The following TMPO variants were observed in gnomAD, a reference collection of about 807,000 sequenced individuals.
TMPO encodes the protein LEM domain containing 4.
Under a neutral mutation model 45.4 loss-of-function variants are expected in TMPO, and 22 were observed. The ratio of observed to expected loss-of-function variants is 0.48; its 90% CI spans 0.35 to 0.69. The LOEUF (loss-of-function observed/expected upper bound fraction) is 0.69, where lower values mean the gene tolerates loss of function less well. Among genes scored for constraint, TMPO ranks in the 30% least tolerant of loss-of-function variants. The probability of loss-of-function intolerance (pLI) is 0.01; values close to 1 mark genes in which losing one functional copy is unlikely to be tolerated. For missense variants in TMPO, 512 were observed against 548.8 expected (o/e 0.93, Z 0.67); for synonymous variants, 241 against 204.1 (o/e 1.18, Z -1.54).
intron 4 of TMPO, among the ~76,000 whole-genome samples, chr12:98,541,513 A>G (rs1218140256): frequency 6.6e-6 from 1 of 152,224 alleles, no homozygotes; most frequent in Non-Finnish European, 1.5e-5. Flanking sequence ...ACTACTAACA[A>G]TAAGACTGTT....
intron 1 of TMPO, among the ~76,000 whole-genome samples, chr12:98,520,783 A>G (rs1876286639): frequency 6.6e-6 from 1 of 151,884 alleles, no homozygotes; most frequent in African/African-American, 2.4e-5. Flanking sequence ...ACTGTTAGCC[A>G]GGATGGTCTC....
chr12:98,525,672 C>G (rs1327464854), intron 1 of TMPO, among the ~76,000 whole-genome samples: 1 of 147,910 alleles, frequency 6.8e-6, no homozygotes, highest in African/African-American at 2.5e-5. Context: ...ACCTTGGATG[C>G]AGAGGTTGCA....
At chr12:98,532,687 A>C (rs531653815) in intron 3 of TMPO, 1 of 1,267,664 alleles carries the variant, frequency 7.9e-7, no homozygotes, top group African/African-American at 1.5e-5. Context: ...CTACCAGGGC[A>C]AATCTGGCAG....
chr12:98,527,732 T>C (rs1592938958), intron 1 of TMPO, 154 bp from the exon 2 acceptor site: 3 of 759,252 alleles, frequency 4.0e-6, no homozygotes, highest in African/African-American at 1.7e-5. Flanking sequence ...TGTTCTCCAA[T>C]AATGAGTTGC....
intron 1 of TMPO, among the ~76,000 whole-genome samples, chr12:98,518,322 C>T (rs1876050141): frequency 6.6e-6 from 1 of 152,000 alleles, no homozygotes; most frequent in East Asian, 1.9e-4. Context: ...GGCGGGATCT[C>T]GCTTTGTTGC....
rs1565818500 is a variant in TMPO at position 98,547,832 on chromosome 12, C to CAA, written c.1340_1341insAA (p.His447GlnfsTer25). On this transcript the variant is annotated frameshift_variant, in exon 9 of 9. Transcript: ENST00000556029. LOFTEE classifies it high-confidence loss of function. ...AGTAAATCCCTTCTCTAATTTTCTT[C>CAA]ATGTTGACCCTAGAAAATCCAACTG... The CAA allele has an allele frequency of 6.2e-7, 1 of 1,614,038 alleles. No homozygotes were observed. The highest frequency in any genetic ancestry group is 1.1e-5 in the South Asian group (1 of 91,020).
At chr12:98,545,100 T>TAAA in intron 7 of TMPO, 39 bp downstream of exon 7, 1 of 1,369,142 alleles carries the variant, frequency 7.3e-7, no homozygotes, top group Non-Finnish European at 1.0e-6. Flanking sequence ...ATCATTGATC[T>TAAA]TTCAAAGAGG....
chr12:98,525,598 G>A (rs1179577070), intron 1 of TMPO, among the ~76,000 whole-genome samples: 7 of 151,948 alleles, frequency 4.6e-5, no homozygotes, highest in South Asian at 2.1e-4. Context: ...AAAATTAGCC[G>A]GGCGTGGTGG....
In TMPO at chr12:98,548,900, C is replaced by T. The variant is rs946457598; in HGVS notation, c.*1042C>T. ...CTTTGGGAGGCCAGGGCGGGTGGAT[C>T]ACGAGGTCAAGAGATCAAGACCATC... On this transcript the variant is annotated 3_prime_UTR_variant, in exon 9 of 9. Transcript: ENST00000556029. The T allele has an allele frequency of 2.0e-5, 3 of 152,236 alleles. No individual in the cohort carries two copies. The highest frequency in any genetic ancestry group is 4.8e-5 in the African/African-American group (2 of 41,454). 9.4% of individuals were successfully genotyped at this position (152,236 alleles called of 1,614,324 possible).
rs1270721471 is a variant in TMPO at position 98,549,188 on chromosome 12, G to A, written c.*1330G>A. 3 of 152,062 alleles carry A rather than the reference G, an allele frequency of 2.0e-5. No individual in the cohort carries two copies. The highest frequency in any genetic ancestry group is 7.2e-5 in the African/African-American group (3 of 41,414). 9.4% of individuals were successfully genotyped at this position (152,062 alleles called of 1,614,324 possible). On this transcript the variant is annotated 3_prime_UTR_variant, in exon 9 of 9. Coordinates refer to ENST00000556029, the MANE Select transcript of TMPO (RefSeq NM_001032283.3). The stretch of plus-strand genomic sequence containing the variant: ...ATCATAAGCAGTAGTTAATAAAGTT[G>A]TATACTCTTAAGAGGTGGGCATTAT...
chr12:98,533,119 T>C (rs759718839), intron 3 of TMPO: 4 of 1,614,178 alleles, frequency 2.5e-6, no homozygotes, highest in Non-Finnish European at 3.4e-6. Flanking sequence ...TGATAGGTGT[T>C]TAGAGAAAAG....
chr12:98,532,611 T>C lies in TMPO; in HGVS notation c.565+773T>C, dbSNP rs28364639. ...TAAATACAACTTGATTTTTGTAAAC[T>C]TTTAATTAATATGACTTGTGATTAT... On this transcript the variant is annotated intron_variant, in intron 3 of 8. Transcript: ENST00000556029. Among the ~76,000 whole-genome samples, 178 of 152,348 alleles carry C rather than the reference T, an allele frequency of 1.2e-3. 2 individuals carry two copies. The East Asian group carries it at 0.032, about 28-fold the overall frequency.
chr12:98,516,819 TA>T (rs1875876790), intron 1 of TMPO, among the ~76,000 whole-genome samples: 1 of 152,240 alleles, frequency 6.6e-6, no homozygotes. Flanking sequence ...TTTATTTATT[TA>T]TTTTTTTAGA....
chr12:98,533,715 T>A (rs1877372123), intron 3 of TMPO: 1 of 1,614,222 alleles, frequency 6.2e-7, no homozygotes, highest in Admixed American at 1.7e-5. Context: ...ATAAAATAGA[T>A]GCCTCAGAAC....
At chr12:98,521,321 C>T (rs1876349015) in intron 1 of TMPO, among the ~76,000 whole-genome samples, 1 of 151,484 alleles carries the variant, frequency 6.6e-6, no homozygotes, top group South Asian at 2.1e-4. Context: ...ACTGTGTTAG[C>T]CAGGATGGTC....
chr12:98,521,232 C>T (rs1390429608), intron 1 of TMPO, among the ~76,000 whole-genome samples: 1 of 150,460 alleles, frequency 6.6e-6, no homozygotes, highest in African/African-American at 2.4e-5. Context: ...CTCAGCCTCC[C>T]GATTAGCTGG....
At chr12:98,530,077 C>G (rs900652580) in intron 2 of TMPO, among the ~76,000 whole-genome samples, 1 of 152,004 alleles carries the variant, frequency 6.6e-6, no homozygotes, top group African/African-American at 2.4e-5. Flanking sequence ...GTAGTTCATG[C>G]CTGTAATCCC....
Position 98,537,855 on chromosome 12 carries a change from G to C in TMPO, c.663+283G>C, listed in dbSNP as rs993019278. 5.5e-6 allele frequency: 3 copies of C among 546,222 alleles called. No homozygotes were observed. In the African/African-American group the frequency reaches 5.6e-5, roughly 10 times the overall value. 33.8% of individuals were successfully genotyped at this position (546,222 alleles called of 1,614,324 possible). A position where few individuals can be genotyped will look rare whatever the true frequency, so the allele number is the denominator to read the frequency against. ...TGTTTTGAAAGAAATATTTTAAAAG[G>C]TGGAAATATCTAGACACTTTTGATA... On this transcript the variant is annotated intron_variant, in intron 4 of 8. Transcript: ENST00000556029.
In TMPO at chr12:98,531,721, A is replaced by T; in HGVS notation, c.448A>T (p.Arg150Trp). Reference sequence around the variant, plus strand: ...ATATGAGAAAAAGCTTTTGAAACTGAGGGAACAAGGAACAGAATCAAGATC... The same window carrying T: ...ATATGAGAAAAAGCTTTTGAAACTGTGGGAACAAGGAACAGAATCAAGATC... ...KLYEKKLLKL[R>W]EQGTESRSST... Residue 150 changes from arginine (R) to tryptophan (W), a missense_variant, in exon 3 of 9, where the codon AGG becomes TGG. By Grantham distance (101) the Arg-to-Trp change is moderately radical. Transcript: ENST00000556029. 2 of 1,613,418 alleles carry T rather than the reference A, an allele frequency of 1.2e-6. No individual in the cohort carries two copies. The highest frequency in any genetic ancestry group is 1.7e-6 in the Non-Finnish European group (2 of 1,179,972).
Sources: gnomAD v4.1 joint callset for allele counts (sites outside exome capture counted in the v4.1 genomes callset) on GRCh38, gnomAD v4.1.1 for gene constraint, MANE v1.5 for transcripts, NCBI Gene and HGNC (gene_info 2026-07-23, HGNC 2026-07-21) for gene names.